The following SLC27A1 variants were observed in gnomAD, a reference collection of about 807,000 sequenced individuals.
The protein encoded by SLC27A1 is solute carrier family 27 member 1, also known as long-chain fatty acid transport protein 1.
SLC27A1 carries 61 observed loss-of-function variants against 62.2 expected under a neutral mutation model. The observed-to-expected ratio is 0.98, with a 90% CI of 0.80 to 1.21. The LOEUF is 1.21. Among genes scored for constraint, SLC27A1 ranks in the 50% most tolerant of loss-of-function variants. SLC27A1 has a pLI of 0.00. For missense variants in SLC27A1, 903 were observed against 932.1 expected (o/e 0.97, Z 0.41); for synonymous variants, 435 against 408.6 (o/e 1.06, Z -0.78).
intron 6 of SLC27A1, among the ~76,000 whole-genome samples, chr19:17,491,978 G>C (rs2075298748): frequency 6.6e-6 from 1 of 152,130 alleles, no homozygotes; most frequent in Non-Finnish European, 1.5e-5. Flanking sequence ...ATTTATTACA[G>C]AAATTGAGAT....
chr19:17,479,979 GTCATT>G (rs879578149), intron 1 of SLC27A1, among the ~76,000 whole-genome samples: 35 of 152,100 alleles, frequency 2.3e-4, no homozygotes, highest in Middle Eastern at 3.4e-3. Context: ...GAATAGCACT[GTCATT>G]TCCCCCATTC....
At chr19:17,499,966 C>T (rs1260187232) in intron 7 of SLC27A1, 1 of 364,178 alleles carries the variant, frequency 2.7e-6, no homozygotes, top group South Asian at 4.4e-5. Flanking sequence ...TGAAGCTCTG[C>T]AGTGTCTGAC....
intron 1 of SLC27A1, among the ~76,000 whole-genome samples, chr19:17,485,825 A>G (rs2075223906): frequency 6.7e-6 from 1 of 148,268 alleles, no homozygotes; most frequent in Non-Finnish European, 1.5e-5. Flanking sequence ...ACTCCGTCTC[A>G]AAAAAAAAAC....
At chr19:17,499,536 C>T (rs2075386296) in intron 7 of SLC27A1, 1 of 151,818 alleles carries the variant, frequency 6.6e-6, no homozygotes, top group South Asian at 2.1e-4. Context: ...AGCTTGCCAC[C>T]CACACACGCC....
intron 1 of SLC27A1, among the ~76,000 whole-genome samples, chr19:17,477,902 T>G (rs1157717960): frequency 1.3e-5 from 2 of 151,706 alleles, no homozygotes; most frequent in Non-Finnish European, 1.5e-5. Context: ...AACATAGAGA[T>G]GAGGTCTCAC....
chr19:17,478,119 C>T (rs571186077), intron 1 of SLC27A1, among the ~76,000 whole-genome samples: 43 of 152,232 alleles, frequency 2.8e-4, no homozygotes, highest in African/African-American at 9.4e-4. Flanking sequence ...ACCAGACAAG[C>T]GCCTCAGCCC....
Position 17,487,341 on chromosome 19 carries a change from T to C in SLC27A1, c.724+6T>C, listed in dbSNP as rs1422363597. On this transcript the variant is annotated splice_donor_region_variant and intron_variant, in intron 3 of 11. Transcript: ENST00000252595. The stretch of plus-strand genomic sequence containing the variant: ...CCCCAGCAAGGGCATGGACGGTGAG[T>C]CAAGGGTGGGACCCCTGCTCTATCA... 3.1e-6 allele frequency: 5 copies of C among 1,604,608 alleles called. No individual in the cohort carries two copies. Among genetic ancestry groups the C allele is most frequent in the Non-Finnish European group, 4.2e-6 (5 of 1,176,480 alleles).
At chr19:17,501,128 A>T in intron 10 of SLC27A1, 145 bp from the exon 11 acceptor site, 3 of 1,284,478 alleles carry the variant, frequency 2.3e-6, no homozygotes, top group Non-Finnish European at 3.2e-6. Flanking sequence ...AGCTCCACAA[A>T]ATGTGTGGCT....
Position 17,504,910 on chromosome 19 carries a change from T to A in SLC27A1, c.*298T>A, listed in dbSNP as rs1035709787. 1 of 531,244 alleles carries A rather than the reference T, an allele frequency of 1.9e-6. No individual in the cohort carries two copies. The highest frequency in any genetic ancestry group is 3.6e-6 in the Non-Finnish European group (1 of 276,778). 32.9% of individuals were successfully genotyped at this position (531,244 alleles called of 1,614,324 possible). Reference sequence around the variant, plus strand: ...TTTCTTTCTTTCTTTCTTTTTTTTTTAAGATAGAGTCTCACTCTGCTGCCC... The same window carrying A: ...TTTCTTTCTTTCTTTCTTTTTTTTTAAAGATAGAGTCTCACTCTGCTGCCC... On this transcript the variant is annotated 3_prime_UTR_variant, in exon 12 of 12. Transcript: ENST00000252595.
chr19:17,504,282 C>T (rs1399291753), intron 11 of SLC27A1, among the ~76,000 whole-genome samples, 173 bp from the exon 12 acceptor site: 1 of 152,056 alleles, frequency 6.6e-6, no homozygotes, highest in Non-Finnish European at 1.5e-5. Flanking sequence ...GAGGAGGGGG[C>T]ATGAAGCCAG....
At chr19:17,499,651 C>CG (rs1555747849) in intron 7 of SLC27A1, among the ~76,000 whole-genome samples, 5 of 142,624 alleles carry the variant, frequency 3.5e-5, no homozygotes, top group Non-Finnish European at 6.1e-5. Flanking sequence ...ACTAAAAATA[C>CG]AAAAAAAAAA....
chr19:17,494,881 C>T (rs931701746), intron 6 of SLC27A1, among the ~76,000 whole-genome samples: 1 of 151,702 alleles, frequency 6.6e-6, no homozygotes, highest in South Asian at 2.1e-4. Context: ...AGATTTGCGC[C>T]CTATGCGGAT....
At chr19:17,477,848 C>A (rs1293097142) in intron 1 of SLC27A1, among the ~76,000 whole-genome samples, 1 of 152,094 alleles carries the variant, frequency 6.6e-6, no homozygotes, top group Non-Finnish European at 1.5e-5. Flanking sequence ...AGCCACCGCA[C>A]CTGCCGCCCA....
intron 4 of SLC27A1, among the ~76,000 whole-genome samples, chr19:17,487,913 C>T (rs2075253654): frequency 1.3e-5 from 2 of 151,910 alleles, no homozygotes; most frequent in Non-Finnish European, 2.9e-5. Flanking sequence ...TGGACCTGTG[C>T]CAGCCCCTCC....
intron 11 of SLC27A1, among the ~76,000 whole-genome samples, chr19:17,502,726 C>A (rs983171395): frequency 6.6e-6 from 1 of 151,824 alleles, no homozygotes; most frequent in Non-Finnish European, 1.5e-5. Flanking sequence ...TACTCTGTTG[C>A]CCAGGCTGGC....
chr19:17,503,312 T>C (rs1018322492), intron 11 of SLC27A1: 18 of 152,094 alleles, frequency 1.2e-4, no homozygotes, highest in Admixed American at 4.6e-4. Flanking sequence ...AGGCAAACTT[T>C]TTCTTAAAGG....
Position 17,500,560 on chromosome 19 carries a change from GTCA to G in SLC27A1, c.1400_1402del (p.Val467_Ser468delinsGly). On this transcript the variant is annotated inframe_deletion, in exon 9 of 12. Coordinates refer to ENST00000252595, the MANE Select transcript of SLC27A1 (RefSeq NM_198580.3). Reference sequence around the variant, plus strand: ...CCCGCTGCGCCGCTTCGATGGCTATGTCAGCGAGAGCGCCACCAGCAAGAAGAT... The same window carrying G: ...CCCGCTGCGCCGCTTCGATGGCTATGGCGAGAGCGCCACCAGCAAGAAGAT... 6.2e-7 allele frequency: 1 copy of G among 1,613,714 alleles called. No homozygotes were observed. The highest frequency in any genetic ancestry group is 8.5e-7 in the Non-Finnish European group (1 of 1,179,894).
Position 17,487,455 on chromosome 19 carries a change from T to C in SLC27A1, c.725-5T>C, listed in dbSNP as rs748801922. 1 of 1,523,158 alleles carries C rather than the reference T, an allele frequency of 6.6e-7. No homozygotes were observed. Among genetic ancestry groups the C allele is most frequent in the Admixed American group, 1.9e-5 (1 of 52,074 alleles). 94.4% of individuals were successfully genotyped at this position (1,523,158 alleles called of 1,614,324 possible). A position where few individuals can be genotyped will look rare whatever the true frequency, so the allele number is the denominator to read the frequency against. ...CCCCACCCCTAACACCTGTATCTCCTGCAGATCGTCTTTTCTACATCTACA... is the reference window on the plus strand; with the variant it reads ...CCCCACCCCTAACACCTGTATCTCCCGCAGATCGTCTTTTCTACATCTACA... On this transcript the variant is annotated splice_region_variant and splice_polypyrimidine_tract_variant and intron_variant, in intron 3 of 11. Transcript: ENST00000252595.
intron 3 of SLC27A1, 60 bp from the exon 4 acceptor site, chr19:17,487,400 A>ATG: frequency 1.0e-6 from 1 of 997,204 alleles, no homozygotes; most frequent in Non-Finnish European, 1.3e-6. Flanking sequence ...CCCGCCCCCA[A>ATG]CTTCCAGGCC....
Sources: allele counts gnomAD v4.1 joint callset (sites outside exome capture counted in the v4.1 genomes callset), GRCh38; gene constraint gnomAD v4.1.1; transcripts MANE v1.5; gene names NCBI Gene and HGNC (gene_info 2026-07-23, HGNC 2026-07-21).